The following CACHD1 variants were observed in gnomAD, a reference collection of about 807,000 sequenced individuals.
CACHD1 encodes the protein VWFA and cache domain-containing protein 1.
In CACHD1, 71 loss-of-function variants were observed where a neutral mutation model predicts 138.7. The ratio of observed to expected loss-of-function variants is 0.51; its 90% CI spans 0.42 to 0.62. The LOEUF is 0.62. Ranked by LOEUF, CACHD1 falls within the 20% of genes least tolerant of loss-of-function variation. The pLI, the probability that CACHD1 is intolerant of heterozygous loss-of-function variation, is 0.00. For synonymous variants in CACHD1, 578 were observed against 591.5 expected (o/e 0.98, Z 0.33); for missense variants, 1,389 against 1,625.3 (o/e 0.85, Z 2.50).
In CACHD1 at chr1:64,612,514, G is replaced by T. The variant is rs556919649; in HGVS notation, c.517+9602G>T. Among the ~76,000 whole-genome samples, 10 of 152,250 alleles carry T rather than the reference G, an allele frequency of 6.6e-5. No homozygotes were observed. The South Asian group carries it at 2.1e-3, about 32-fold the overall frequency. On this transcript the variant is annotated intron_variant, in intron 4 of 26. Coordinates refer to ENST00000651257, the MANE Select transcript of CACHD1 (RefSeq NM_020925.4). ...AAGGAAAATACCTAGGTCATTGAAG[G>T]ATAAGTCTAGGTAGTAGTATATAGA...
intron 1 of CACHD1, among the ~76,000 whole-genome samples, chr1:64,533,229 G>T (rs1053615971): frequency 4.6e-5 from 7 of 152,194 alleles, no homozygotes; most frequent in African/African-American, 7.2e-5. Context: ...GGTGGTGCAG[G>T]CCTATAGCCC....
At chr1:64,609,874 T>C (rs1011860995) in intron 4 of CACHD1, among the ~76,000 whole-genome samples, 1 of 152,180 alleles carries the variant, frequency 6.6e-6, no homozygotes, top group African/African-American at 2.4e-5. Flanking sequence ...GTCCACTCTC[T>C]TGCTGCTAAT....
chr1:64,663,934 G>C (rs1570463785), intron 14 of CACHD1, 97 bp downstream of exon 14: 1 of 1,483,342 alleles, frequency 6.7e-7, no homozygotes, highest in East Asian at 2.3e-5. Context: ...ACCCAGCTCT[G>C]CATCTGTGCC....
Position 64,537,411 on chromosome 1 carries a change from G to T in CACHD1, c.199-13183G>T, listed in dbSNP as rs371560804. Among the ~76,000 whole-genome samples the T allele has an allele frequency of 3.9e-5, 6 of 152,268 alleles. No individual in the cohort carries two copies. The South Asian group carries it at 1.0e-3, about 26-fold the overall frequency. ...CTAAAGTAAACTGGAGATTTGGCTTGTTCTCAGACAGGTGTTCCCATCAGG... is the reference window on the plus strand; with the variant it reads ...CTAAAGTAAACTGGAGATTTGGCTTTTTCTCAGACAGGTGTTCCCATCAGG... On this transcript the variant is annotated intron_variant, in intron 1 of 26. Transcript: ENST00000651257.
intron 5 of CACHD1, among the ~76,000 whole-genome samples, chr1:64,632,371 A>G (rs1648342249): frequency 1.3e-5 from 2 of 152,122 alleles, no homozygotes; most frequent in Non-Finnish European, 2.9e-5. Flanking sequence ...TGATCTTTAA[A>G]GGCATAAATT....
At chr1:64,667,241 G>A (rs1412006344) in intron 16 of CACHD1, among the ~76,000 whole-genome samples, 1 of 152,178 alleles carries the variant, frequency 6.6e-6, no homozygotes, top group East Asian at 1.9e-4. Context: ...TACCTGTAAT[G>A]ATGCCTTAAC....
intron 2 of CACHD1, among the ~76,000 whole-genome samples, chr1:64,552,149 T>C (rs1570359025): frequency 6.6e-6 from 1 of 152,064 alleles, no homozygotes; most frequent in Non-Finnish European, 1.5e-5. Flanking sequence ...AATGTGAAAG[T>C]TTTTTCCCCC....
chr1:64,502,731 A>C (rs1646347335), intron 1 of CACHD1, among the ~76,000 whole-genome samples: 1 of 152,138 alleles, frequency 6.6e-6, no homozygotes, highest in African/African-American at 2.4e-5. Flanking sequence ...GTAGGTGAGG[A>C]GAGGTTGAAA....
intron 26 of CACHD1, among the ~76,000 whole-genome samples, chr1:64,684,669 G>T (rs1237816235): frequency 6.6e-6 from 1 of 152,132 alleles, no homozygotes; most frequent in African/African-American, 2.4e-5. Flanking sequence ...TGTTTATAAA[G>T]TCTACAGTAG....
chr1:64,583,724 TGGC>T (rs1186574503), intron 3 of CACHD1, among the ~76,000 whole-genome samples: 1 of 152,132 alleles, frequency 6.6e-6, no homozygotes, highest in African/African-American at 2.4e-5. Context: ...CTCACAATCA[TGGC>T]GGAAAGTGAA....
At chr1:64,602,986 A>AT (rs376759587) in intron 4 of CACHD1, 74 bp downstream of exon 4, 22,659 of 681,070 alleles carry the variant, frequency 0.033, no homozygotes, top group East Asian at 0.043. Flanking sequence ...TATTGCTTCA[A>AT]TTTTTTTTTT....
intron 1 of CACHD1, among the ~76,000 whole-genome samples, chr1:64,511,097 C>G (rs1233137739): frequency 4.6e-5 from 7 of 152,122 alleles, no homozygotes. Context: ...TTTAGTGTAC[C>G]TAAGATCTCT....
At position 64,691,411 on chromosome 1, in the gene CACHD1, T is replaced by G. The variant is rs1650549362; in HGVS notation, c.3675T>G (p.His1225Gln). 1 of 1,614,072 alleles carries G rather than the reference T, an allele frequency of 6.2e-7. No homozygotes were observed. The highest frequency in any genetic ancestry group is 8.5e-7 in the Non-Finnish European group (1 of 1,180,024). The part of the protein sequence containing the change: ...PLSAGVDVGN[H>Q]DEDLDLDTPP... ...CAGCCGGGGTCGATGTGGGAAACCA[T>G]GATGAGGACTTAGACCTGGATACCC... The change falls in exon 27 of 27, where the codon CAT becomes CAG. Residue 1225 changes from histidine (H) to glutamine (Q), a missense_variant. His to Gln is a conservative substitution (Grantham distance 24). Around this residue, in one of 5 missense-constraint regions of CACHD1, gnomAD observed 78 missense variants for 76.9 expected, o/e 1.01. Coordinates refer to ENST00000651257, the MANE Select transcript of CACHD1 (RefSeq NM_020925.4).
intron 2 of CACHD1, among the ~76,000 whole-genome samples, chr1:64,577,172 T>C (rs1298082389): frequency 2.0e-5 from 3 of 152,106 alleles, no homozygotes; most frequent in African/African-American, 7.2e-5. Context: ...TCTTGAACTC[T>C]TGGGCTCAAG....
chr1:64,679,784 A>G, intron 24 of CACHD1, 28 bp downstream of exon 24: 1 of 1,610,178 alleles, frequency 6.2e-7, no homozygotes, highest in Non-Finnish European at 8.5e-7. Flanking sequence ...CCCACAGGGG[A>G]GGCAGCAGCC....
chr1:64,526,009 T>TA (rs1646535838), intron 1 of CACHD1, among the ~76,000 whole-genome samples: 1 of 152,198 alleles, frequency 6.6e-6, no homozygotes, highest in South Asian at 2.1e-4. Flanking sequence ...TAGGGCCAAA[T>TA]AAAAATCTAT....
chr1:64,605,291 A>G (rs575026647), intron 4 of CACHD1, among the ~76,000 whole-genome samples: 12 of 152,262 alleles, frequency 7.9e-5, no homozygotes, highest in African/African-American at 2.9e-4. Flanking sequence ...GTGCATTTAT[A>G]CAATAATTAA....
chr1:64,679,474 A>T (rs1369935240), intron 23 of CACHD1, 121 bp from the exon 24 acceptor site: 1 of 1,051,584 alleles, frequency 9.5e-7, no homozygotes, highest in Admixed American at 2.1e-5. Flanking sequence ...AGCCTAACTA[A>T]GCATCTGTTT....
intron 4 of CACHD1, among the ~76,000 whole-genome samples, chr1:64,614,816 ATCC>A (rs1647653795): frequency 6.6e-6 from 1 of 152,124 alleles, no homozygotes; most frequent in African/African-American, 2.4e-5. Context: ...GTAAATTTAG[ATCC>A]TCATTTCTCT....
Sources: gnomAD v4.1 joint callset for allele counts (sites outside exome capture counted in the v4.1 genomes callset) on GRCh38, gnomAD v4.1.1 for gene constraint, gnomAD v4.1.1 regional missense constraint, MANE v1.5 for transcripts, NCBI Gene and HGNC (gene_info 2026-07-23, HGNC 2026-07-21) for gene names.